LSAMP: variants seen among roughly 807,000 people sequenced by gnomAD.
The protein encoded by LSAMP is limbic system associated membrane protein.
In LSAMP, 7 loss-of-function variants were observed where a neutral mutation model predicts 38.6. The observed-to-expected ratio is 0.18, with a 90% CI of 0.10 to 0.34. LSAMP has a LOEUF of 0.34. LSAMP is among the 10% of genes least tolerant of loss of function. The pLI is 1.00. For synonymous variants in LSAMP, 154 were observed against 166.8 expected, an observed-to-expected ratio of 0.92 and a Z score of 0.59; for missense variants, 313 against 420.0, an observed-to-expected ratio of 0.75 and a Z score of 2.23.
chr3:116,013,351 C>A (rs914520368), intron 3 of LSAMP, among the ~76,000 whole-genome samples: 17 of 152,222 alleles, frequency 1.1e-4, no homozygotes, highest in African/African-American at 3.9e-4. Context: ...ATTTTGTAGT[C>A]ATTTTCTAAA....
At position 116,322,483 on chromosome 3, in the gene LSAMP, T is replaced by A. The variant is rs1487660723; in HGVS notation, c.155+122394A>T. 3.3e-5 allele frequency among the ~76,000 whole-genome samples: 5 copies of A among 152,166 alleles called. No homozygotes were observed. In the East Asian group the frequency reaches 9.6e-4, roughly 29 times the overall value. On this transcript the variant is annotated intron_variant, in intron 1 of 6. Coordinates refer to ENST00000490035, the MANE Select transcript of LSAMP (RefSeq NM_002338.5). ...TAAAAAAGGAAATGTTAGTGATAGA[T>A]AGATTATCGGTACACAAGTCACATG...
At chr3:116,387,774 A>G (rs990854438) in intron 1 of LSAMP, among the ~76,000 whole-genome samples, 14 of 152,138 alleles carry the variant, frequency 9.2e-5, no homozygotes, top group Non-Finnish European at 1.8e-4. Context: ...AGATACAGAA[A>G]TAGCTATAGA....
At chr3:115,948,393 T>C (rs1312014470) in intron 3 of LSAMP, among the ~76,000 whole-genome samples, 3 of 152,084 alleles carry the variant, frequency 2.0e-5, no homozygotes, top group African/African-American at 7.2e-5. Context: ...AAAACAAGTC[T>C]CAATAAATTT....
chr3:116,305,499 C>T (rs1477600452), intron 1 of LSAMP, among the ~76,000 whole-genome samples: 1 of 151,502 alleles, frequency 6.6e-6, no homozygotes, highest in East Asian at 1.9e-4. Flanking sequence ...TACTGTAATC[C>T]TTCATCTCCT....
intron 1 of LSAMP, among the ~76,000 whole-genome samples, chr3:116,106,951 G>T (rs1006049670): frequency 1.3e-5 from 2 of 152,158 alleles, no homozygotes; most frequent in African/African-American, 2.4e-5. Flanking sequence ...TTTCCTTGAG[G>T]ATAGATTTCC....
chr3:116,173,699 G>C (rs758666572), intron 1 of LSAMP, among the ~76,000 whole-genome samples: 2 of 151,850 alleles, frequency 1.3e-5, no homozygotes, highest in Non-Finnish European at 2.9e-5. Flanking sequence ...AAAGGCAAGT[G>C]CTTTAATTGA....
intron 3 of LSAMP, among the ~76,000 whole-genome samples, chr3:115,879,858 A>T (rs975845864): frequency 3.3e-5 from 5 of 152,258 alleles, no homozygotes; most frequent in Non-Finnish European, 5.9e-5. Context: ...TTTATTAAAA[A>T]TTTTTATGGT....
chr3:116,338,878 A>G (rs2047955246), intron 1 of LSAMP, among the ~76,000 whole-genome samples: 1 of 152,036 alleles, frequency 6.6e-6, no homozygotes, highest in Non-Finnish European at 1.5e-5. Context: ...AAATATTCAA[A>G]TCGAATCACT....
chr3:116,067,350 C>T (rs1707482846), intron 2 of LSAMP, among the ~76,000 whole-genome samples: 1 of 152,146 alleles, frequency 6.6e-6, no homozygotes, highest in Non-Finnish European at 1.5e-5. Flanking sequence ...ACACAAAAAC[C>T]TAAAATTCTC....
chr3:116,411,931 C>T (rs2048985675), intron 1 of LSAMP, among the ~76,000 whole-genome samples: 1 of 151,872 alleles, frequency 6.6e-6, no homozygotes, highest in South Asian at 2.1e-4. Context: ...GTTTGACCCC[C>T]ATTTCTCTGT....
At chr3:116,133,841 C>T (rs189613001) in intron 1 of LSAMP, among the ~76,000 whole-genome samples, 1 of 152,178 alleles carries the variant, frequency 6.6e-6, no homozygotes, top group Admixed American at 6.5e-5. Context: ...AAATTCAAAA[C>T]ATGATATCCA....
intron 1 of LSAMP, among the ~76,000 whole-genome samples, chr3:116,403,236 C>A (rs2048860505): frequency 1.3e-5 from 2 of 152,168 alleles, no homozygotes; most frequent in Non-Finnish European, 2.9e-5. Context: ...CTAATAGTAA[C>A]CCTCTTCTGA....
chr3:116,398,834 C>G (rs2048803978), intron 1 of LSAMP, among the ~76,000 whole-genome samples: 1 of 152,088 alleles, frequency 6.6e-6, no homozygotes, highest in South Asian at 2.1e-4. Context: ...TCTTGTGAGG[C>G]AGAAACATGA....
chr3:115,957,478 C>T (rs185937891), intron 3 of LSAMP, among the ~76,000 whole-genome samples: 1 of 152,144 alleles, frequency 6.6e-6, no homozygotes, highest in African/African-American at 2.4e-5. Flanking sequence ...TTGAGAAGAC[C>T]TAAACCCCAG....
chr3:116,385,466 A>G (rs1345385969), intron 1 of LSAMP, among the ~76,000 whole-genome samples: 1 of 152,202 alleles, frequency 6.6e-6, no homozygotes, highest in Non-Finnish European at 1.5e-5. Context: ...CAAGGAAAAC[A>G]GTAAATTGTA....
chr3:116,320,812 A>G (rs1182721510), intron 1 of LSAMP, among the ~76,000 whole-genome samples: 2 of 152,106 alleles, frequency 1.3e-5, no homozygotes, highest in Non-Finnish European at 2.9e-5. Flanking sequence ...CAAGCAGTGA[A>G]TGCAGTTTCA....
chr3:116,127,340 T>C (rs1205070808), intron 1 of LSAMP, among the ~76,000 whole-genome samples: 1 of 152,166 alleles, frequency 6.6e-6, no homozygotes, highest in African/African-American at 2.4e-5. Context: ...GGTCAAAATA[T>C]ATGGATATAC....
intron 3 of LSAMP, among the ~76,000 whole-genome samples, chr3:115,956,241 T>C (rs1251781597): frequency 6.6e-6 from 1 of 151,206 alleles, no homozygotes; most frequent in Non-Finnish European, 1.5e-5. Context: ...GTTATCAGGC[T>C]GGGACCTGAA....
intron 3 of LSAMP, among the ~76,000 whole-genome samples, chr3:115,948,536 G>A (rs1310712616): frequency 1.3e-5 from 2 of 152,094 alleles, no homozygotes; most frequent in Non-Finnish European, 2.9e-5. Flanking sequence ...TGATCTTTAA[G>A]TCAACAATGA....
Sources: allele counts gnomAD v4.1 joint callset (sites outside exome capture counted in the v4.1 genomes callset), GRCh38; gene constraint gnomAD v4.1.1; transcripts MANE v1.5; gene names NCBI Gene and HGNC (gene_info 2026-07-23, HGNC 2026-07-21).